The following SLC2A9 variants were observed in gnomAD, a reference collection of about 807,000 sequenced individuals.
SLC2A9 encodes the protein solute carrier family 2 member 9, also known as solute carrier family 2, facilitated glucose transporter member 9.
SLC2A9 carries 39 observed loss-of-function variants against 50.6 expected under a neutral mutation model. That is an observed-to-expected ratio of 0.77 (90% CI 0.60 to 1.01). The LOEUF is 1.01. SLC2A9 is among the 50% of genes least tolerant of loss of function. SLC2A9 has a pLI of 0.00. For synonymous variants in SLC2A9, 324 were observed against 276.9 expected (o/e 1.17, Z -1.69); for missense variants, 686 against 677.6 (o/e 1.01, Z -0.14).
intron 1 of SLC2A9, among the ~76,000 whole-genome samples, chr4:10,020,039 AGTGT>A (rs112964589): frequency 0.019 from 2,860 of 148,048 alleles, 47 homozygotes; most frequent in African/African-American, 0.044. Context: ...CATATTTGTG[AGTGT>A]GTGTGTGTGT....
chr4:9,824,762 G>A (rs1428754694), downstream of SLC2A9, among the ~76,000 whole-genome samples: 1 of 152,070 alleles, frequency 6.6e-6, no homozygotes, highest in African/African-American at 2.4e-5. Flanking sequence ...AAATTCTCAA[G>A]TCTCCAAATA....
intron 3 of SLC2A9, among the ~76,000 whole-genome samples, chr4:9,784,281 TG>T (rs140290358): frequency 0.22 from 32,953 of 152,058 alleles, 3,792 homozygotes; most frequent in African/African-American, 0.29. Flanking sequence ...CAAGACCAGA[TG>T]TTTTTTTTCT....
At chr4:9,918,162 A>T (rs1287599279) in intron 7 of SLC2A9, among the ~76,000 whole-genome samples, 1 of 152,168 alleles carries the variant, frequency 6.6e-6, no homozygotes, top group East Asian at 1.9e-4. Context: ...GTATTTACGG[A>T]TGTCTCCAGT....
intron 10 of SLC2A9, among the ~76,000 whole-genome samples, chr4:9,856,463 T>G (rs1730726933): frequency 6.6e-6 from 1 of 152,030 alleles, no homozygotes; most frequent in Non-Finnish European, 1.5e-5. Context: ...AGTAAAAAAA[T>G]AACAGATGCT....
chr4:9,957,643 A>G (rs79323395), intron 5 of SLC2A9, among the ~76,000 whole-genome samples: 5,972 of 152,324 alleles, frequency 0.039, 171 homozygotes, highest in Non-Finnish European at 0.06. Flanking sequence ...GACTCCATGT[A>G]AAATGAACGG....
At chr4:9,831,233 C>T (rs74970122) in intron 11 of SLC2A9, among the ~76,000 whole-genome samples, 54 of 152,166 alleles carry the variant, frequency 3.5e-4, no homozygotes, top group Non-Finnish European at 5.7e-4. Context: ...GAAATTCATA[C>T]GTTGAGTCCT....
intron 10 of SLC2A9, among the ~76,000 whole-genome samples, chr4:9,840,497 A>C (rs936741845): frequency 6.6e-6 from 1 of 152,194 alleles, no homozygotes; most frequent in African/African-American, 2.4e-5. Context: ...ATATTTGCTC[A>C]TGTAAAATAA....
intron 6 of SLC2A9, among the ~76,000 whole-genome samples, chr4:9,935,645 T>C (rs968617818): frequency 1.1e-4 from 17 of 152,316 alleles, no homozygotes; most frequent in Admixed American, 9.8e-4. Context: ...GCACCTGCTA[T>C]GTGGAAGAAC....
At chr4:9,973,856 T>C (rs530946958) in intron 5 of SLC2A9, among the ~76,000 whole-genome samples, 1 of 138,318 alleles carries the variant, frequency 7.2e-6, no homozygotes, top group Non-Finnish European at 1.6e-5. Flanking sequence ...AAACTTAAAG[T>C]ATTAAAAAAA....
chr4:9,789,229 C>T (rs575799804), intron 3 of SLC2A9, among the ~76,000 whole-genome samples: 1 of 152,280 alleles, frequency 6.6e-6, no homozygotes, highest in African/African-American at 2.4e-5. Flanking sequence ...AAGTTACCTT[C>T]CTAGGTTTTA....
rs559854530 is a variant in SLC2A9, at chr4:10,011,442, G to A, written c.249+7533C>T. 3.3e-4 allele frequency among the ~76,000 whole-genome samples: 50 copies of A among 152,294 alleles called. No individual in the cohort carries two copies. In the South Asian group the frequency reaches 0.01, roughly 31 times the overall value. On this transcript the variant is annotated intron_variant, in intron 2 of 11. Transcript: ENST00000264784. The stretch of plus-strand genomic sequence containing the variant: ...GAGGACATCTTTCAGCACAACTCTG[G>A]CAATCATCCCAGATGATTCTAGCAG...
intron 3 of SLC2A9, among the ~76,000 whole-genome samples, chr4:9,990,376 G>A (rs1350628855): frequency 6.6e-6 from 1 of 152,066 alleles, no homozygotes; most frequent in Non-Finnish European, 1.5e-5. Context: ...CTGCTGTGTT[G>A]GGTGCTAGGG....
chr4:9,973,514 T>C (rs932683332), intron 5 of SLC2A9, among the ~76,000 whole-genome samples: 49 of 152,034 alleles, frequency 3.2e-4, no homozygotes, highest in African/African-American at 1.1e-3. Flanking sequence ...ATATACACCA[T>C]GGAATACTAT....
chr4:9,864,786 G>A (rs1732181650), intron 10 of SLC2A9, among the ~76,000 whole-genome samples: 1 of 152,244 alleles, frequency 6.6e-6, no homozygotes, highest in Non-Finnish European at 1.5e-5. Context: ...GTGGTAGACA[G>A]AATATAACCC....
At position 9,872,158 on chromosome 4, in the gene SLC2A9, A is replaced by G. The variant is rs561646589; in HGVS notation, c.1291+15409T>C. Among the ~76,000 whole-genome samples, 12 of 152,238 alleles carry G rather than the reference A, an allele frequency of 7.9e-5. No individual in the cohort carries two copies. In the East Asian group the frequency reaches 2.3e-3, roughly 29 times the overall value. ...TTAATCTGGTTCATCCCCTCATTTCACTGATGGTGAAACTGAGGCCAGAGA... is the reference window on the plus strand; with the variant it reads ...TTAATCTGGTTCATCCCCTCATTTCGCTGATGGTGAAACTGAGGCCAGAGA... On this transcript the variant is annotated intron_variant, in intron 10 of 11. Coordinates refer to ENST00000264784, the MANE Select transcript of SLC2A9 (RefSeq NM_020041.3).
At chr4:9,780,621 C>A (rs1371435947) in intron 3 of SLC2A9, among the ~76,000 whole-genome samples, 1 of 152,192 alleles carries the variant, frequency 6.6e-6, no homozygotes, top group Non-Finnish European at 1.5e-5. Context: ...CAGCAGGTCG[C>A]AGCCGGAGCT....
In SLC2A9 at chr4:9,826,297, T is replaced by C; in HGVS notation, c.*100A>G. 8.3e-7 allele frequency: 1 copy of C among 1,211,452 alleles called. No individual in the cohort carries two copies. Among genetic ancestry groups the C allele is most frequent in the Admixed American group, 1.7e-5 (1 of 58,584 alleles). 75.0% of individuals were successfully genotyped at this position (1,211,452 alleles called of 1,614,324 possible). A position where few individuals can be genotyped will look rare whatever the true frequency, so the allele number is the denominator to read the frequency against. Reference sequence around the variant, plus strand: ...TGCATAGCTTCAATTCATTTAAGCTTCCCAATAATGGGTAAATTTTAAGTT... The same window carrying C: ...TGCATAGCTTCAATTCATTTAAGCTCCCCAATAATGGGTAAATTTTAAGTT... On this transcript the variant is annotated 3_prime_UTR_variant, in exon 12 of 12. Transcript: ENST00000264784.
chr4:9,919,734 T>C (rs1177944129), intron 7 of SLC2A9, among the ~76,000 whole-genome samples: 1 of 152,210 alleles, frequency 6.6e-6, no homozygotes, highest in Non-Finnish European at 1.5e-5. Flanking sequence ...CTTCCATAGA[T>C]GGGGAGATCA....
At chr4:9,925,140 C>A (rs1744668523) in intron 6 of SLC2A9, among the ~76,000 whole-genome samples, 1 of 152,224 alleles carries the variant, frequency 6.6e-6, no homozygotes, top group Admixed American at 6.5e-5. Flanking sequence ...ATTCCACATA[C>A]CCCCATGGCC....
Sources: gnomAD v4.1 joint callset for allele counts (sites outside exome capture counted in the v4.1 genomes callset) on GRCh38, gnomAD v4.1.1 for gene constraint, MANE v1.5 for transcripts, NCBI Gene and HGNC (gene_info 2026-07-23, HGNC 2026-07-21) for gene names.